The following ROBO2 variants were observed in gnomAD, a reference collection of about 807,000 sequenced individuals.
The protein encoded by ROBO2 is roundabout homolog 2.
Under a neutral mutation model 160.8 loss-of-function variants are expected in ROBO2, and 53 were observed. That is an observed-to-expected ratio of 0.33 (90% CI 0.26 to 0.41). The LOEUF is 0.41. Ranked by LOEUF, ROBO2 falls within the 10% of genes least tolerant of loss-of-function variation. ROBO2 has a pLI of 1.00. For synonymous variants in ROBO2, 664 were observed against 611.7 expected, an observed-to-expected ratio of 1.09 and a Z score of -1.26; for missense variants, 1,577 against 1,722.4, an observed-to-expected ratio of 0.92 and a Z score of 1.49.
chr3:77,557,871 T>C (rs2093177909), intron 8 of ROBO2, 73 bp from the exon 10 acceptor site: 11 of 1,190,592 alleles, frequency 9.2e-6, no homozygotes, highest in Non-Finnish European at 1.4e-5. Flanking sequence ...TTAACCTTAC[T>C]TTCAGTGTCA....
At chr3:76,941,717 T>C (rs921462791) in intron 2 of ROBO2, among the ~76,000 whole-genome samples, 24 of 152,338 alleles carry the variant, frequency 1.6e-4, no homozygotes, top group African/African-American at 5.3e-4. Flanking sequence ...CTCTTTGGGA[T>C]GATTGTGTCT....
At chr3:76,398,155 A>G (rs1047827962) in intron 2 of ROBO2, among the ~76,000 whole-genome samples, 1 of 152,092 alleles carries the variant, frequency 6.6e-6, no homozygotes, top group Non-Finnish European at 1.5e-5. Context: ...ATAAAAAATG[A>G]TGAGTTCATG....
chr3:75,991,495 C>G (rs1030597904), intron 2 of ROBO2, among the ~76,000 whole-genome samples: 1 of 152,162 alleles, frequency 6.6e-6, no homozygotes, highest in Non-Finnish European at 1.5e-5. Context: ...AAGTGATCTT[C>G]TCCTCCTTGC....
Position 76,364,629 on chromosome 3 carries a change from G to C in ROBO2, c.109+427027G>C, listed in dbSNP as rs144566611. Among the ~76,000 whole-genome samples the C allele has an allele frequency of 1.6e-3, 241 of 152,020 alleles. 1 individual carries two copies. Among genetic ancestry groups the C allele is most frequent in the African/African-American group, 5.5e-3 (227 of 41,494 alleles). On this transcript the variant is annotated intron_variant, in intron 2 of 26. Transcript: ENST00000487694. ...TATTTGTTTTATTATTCTTGTTATA[G>C]TGAGAAGTTTTATTCCTAGGAAATA...
chr3:77,396,107 T>C (rs115712498), intron 2 of ROBO2, among the ~76,000 whole-genome samples: 32 of 152,092 alleles, frequency 2.1e-4, no homozygotes, highest in African/African-American at 7.2e-4. Context: ...CTCACTTGCA[T>C]CCATCCATCC....
At chr3:77,339,425 T>A (rs904305319) in intron 2 of ROBO2, among the ~76,000 whole-genome samples, 18 of 152,076 alleles carry the variant, frequency 1.2e-4, no homozygotes, top group African/African-American at 3.9e-4. Context: ...AAGAACACAT[T>A]TTCAGACTTG....
chr3:77,628,555 TC>T (rs1462352224), intron 23 of ROBO2, among the ~76,000 whole-genome samples: 5 of 152,170 alleles, frequency 3.3e-5, no homozygotes, highest in African/African-American at 1.2e-4. Flanking sequence ...CAGTAGATGT[TC>T]AATACATTTT....
exon 1 of ROBO2, chr3:77,040,248 A>G (rs923816312): frequency 1.0e-5 from 10 of 988,170 alleles, no homozygotes; most frequent in Non-Finnish European, 1.1e-5. Flanking sequence ...ACACATTCTT[A>G]TTATGGAAGT....
chr3:76,205,735 G>A (rs572349382), intron 2 of ROBO2, among the ~76,000 whole-genome samples: 1 of 152,242 alleles, frequency 6.6e-6, no homozygotes, highest in Admixed American at 6.5e-5. Context: ...TGGGGGCCAT[G>A]CCATCCCTTT....
At position 77,345,986 on chromosome 3, in the gene ROBO2, C is replaced by T. The variant is rs149701132; in HGVS notation, c.389-131428C>T. Among the ~76,000 whole-genome samples the T allele has an allele frequency of 1.6e-4, 24 of 152,088 alleles. No individual in the cohort carries two copies. In the East Asian group the frequency reaches 4.3e-3, roughly 27 times the overall value. The stretch of plus-strand genomic sequence containing the variant: ...ACATAATATTGGTTGGTTCTTTGGC[C>T]GTCATACACTAATGTGCTTCATTAT... On this transcript the variant is annotated intron_variant, in intron 2 of 25. Coordinates refer to ENST00000461745, the Ensembl canonical transcript of ROBO2.
At chr3:76,184,602 G>A (rs886372503) in intron 2 of ROBO2, among the ~76,000 whole-genome samples, 3 of 150,534 alleles carry the variant, frequency 2.0e-5, no homozygotes, top group African/African-American at 4.9e-5. Flanking sequence ...GATAAGAGGG[G>A]ATTTATTAGG....
At chr3:76,464,666 A>G (rs2078271314) in intron 2 of ROBO2, among the ~76,000 whole-genome samples, 1 of 152,170 alleles carries the variant, frequency 6.6e-6, no homozygotes, top group African/African-American at 2.4e-5. Flanking sequence ...TGGAAACTAA[A>G]TAACCAAAAT....
chr3:76,668,547 C>T (rs2092143249), intron 2 of ROBO2, among the ~76,000 whole-genome samples: 1 of 152,134 alleles, frequency 6.6e-6, no homozygotes, highest in African/African-American at 2.4e-5. Context: ...AGAGATGGGC[C>T]AAGCAAAACC....
intron 2 of ROBO2, among the ~76,000 whole-genome samples, chr3:77,195,734 A>G (rs2082251801): frequency 6.6e-6 from 1 of 152,216 alleles, no homozygotes; most frequent in African/African-American, 2.4e-5. Context: ...AAATTATATT[A>G]CAAGAAGAAG....
intron 2 of ROBO2, among the ~76,000 whole-genome samples, chr3:77,173,498 T>C (rs1233714524): frequency 1.3e-5 from 2 of 152,192 alleles, no homozygotes; most frequent in South Asian, 4.1e-4. Flanking sequence ...GACTTTCAGA[T>C]TGAGAGTCTG....
rs1014288997 is a variant in ROBO2, at chr3:77,206,098, T to A, written c.388+107758T>A. ...CTCCGGTCTCTGCCTTCTCTTCACATGCTGTCTTCGCTTTTTTTCTGTCTT... is the reference window on the plus strand; with the variant it reads ...CTCCGGTCTCTGCCTTCTCTTCACAAGCTGTCTTCGCTTTTTTTCTGTCTT... On this transcript the variant is annotated intron_variant, in intron 2 of 25. Transcript: ENST00000461745. 2.6e-5 allele frequency among the ~76,000 whole-genome samples: 4 copies of A among 152,184 alleles called. No individual in the cohort carries two copies. The South Asian group carries it at 6.2e-4, about 24-fold the overall frequency.
At chr3:76,686,841 T>C (rs2092696511) in intron 2 of ROBO2, among the ~76,000 whole-genome samples, 2 of 152,080 alleles carry the variant, frequency 1.3e-5, no homozygotes, top group Admixed American at 6.6e-5. Context: ...TACTATAATA[T>C]AAAAGCTACA....
upstream of ROBO2, among the ~76,000 whole-genome samples, chr3:77,035,153 T>C (rs2063552180): frequency 6.6e-6 from 1 of 151,942 alleles, no homozygotes; most frequent in African/African-American, 2.4e-5. Context: ...TTATCATCTT[T>C]GCTGCCAAAG....
chr3:76,485,786 C>T (rs1486136266), intron 2 of ROBO2, among the ~76,000 whole-genome samples: 1 of 152,132 alleles, frequency 6.6e-6, no homozygotes, highest in Non-Finnish European at 1.5e-5. Context: ...GCTACTATTG[C>T]TTTGGTGTGC....
Sources: gnomAD v4.1 joint callset for allele counts (sites outside exome capture counted in the v4.1 genomes callset) on GRCh38, gnomAD v4.1.1 for gene constraint, MANE v1.5 for transcripts, NCBI Gene and HGNC (gene_info 2026-07-23, HGNC 2026-07-21) for gene names.